AARSD1: variants seen among roughly 807,000 people sequenced by gnomAD.
AARSD1 encodes alanyl-tRNA editing protein Aarsd1.
AARSD1 carries 44 observed loss-of-function variants against 48.7 expected under a neutral mutation model. The observed-to-expected ratio is 0.90, with a 90% CI of 0.71 to 1.16. The LOEUF (loss-of-function observed/expected upper bound fraction) is 1.16, where lower values mean the gene tolerates loss of function less well. AARSD1 is among the 50% of genes most tolerant of loss of function. The probability of loss-of-function intolerance (pLI) is 0.00; values close to 1 mark genes in which losing one functional copy is unlikely to be tolerated. For missense variants in AARSD1, 511 were observed against 523.1 expected, an observed-to-expected ratio of 0.98 and a Z score of 0.23; for synonymous variants, 189 against 194.9, an observed-to-expected ratio of 0.97 and a Z score of 0.25.
chr17:42,951,315 G>A (rs2151939159), intron 11 of AARSD1, among the ~76,000 whole-genome samples: 1 of 152,270 alleles, frequency 6.6e-6, no homozygotes, highest in South Asian at 2.1e-4. Context: ...ACTTTGGGAG[G>A]GCAAGGCAGG....
At chr17:42,952,132 C>A in intron 10 of AARSD1, 1 of 518,734 alleles carries the variant, frequency 1.9e-6, no homozygotes, top group Non-Finnish European at 3.5e-6. Flanking sequence ...ACTGCTGATC[C>A]TGGCTAAGCA....
chr17:42,953,207 T>C (rs976372807), intron 10 of AARSD1, among the ~76,000 whole-genome samples: 3 of 152,054 alleles, frequency 2.0e-5, no homozygotes, highest in African/African-American at 7.2e-5. Context: ...CTCGAACTCC[T>C]GAGCTGAGGC....
intron 6 of AARSD1, 43 bp downstream of exon 6, chr17:42,956,161 C>T (rs1350447307): frequency 1.9e-6 from 3 of 1,613,350 alleles, no homozygotes; most frequent in African/African-American, 1.3e-5. Flanking sequence ...CCCCTCTCCC[C>T]CAATCCCTCT....
chr17:42,950,825 A>G (rs1328487653), intron 11 of AARSD1, 97 bp from the exon 12 acceptor site: 2 of 1,496,556 alleles, frequency 1.3e-6, no homozygotes, highest in Middle Eastern at 2.0e-4. Context: ...TGGGAGAGGG[A>G]TAAGAAGAGT....
intron 4 of AARSD1, among the ~76,000 whole-genome samples, chr17:42,956,896 T>C (rs1022040759): frequency 5.4e-5 from 8 of 148,246 alleles, no homozygotes; most frequent in African/African-American, 2.0e-4. Context: ...CTCGATCTCC[T>C]GACCTCGTGA....
In AARSD1 at chr17:42,956,473, A is replaced by T; in HGVS notation, c.477T>A (p.Asn159Lys). ...CAGGCAGCCGATCTCTGATTTTTTCATTGACGCTCTGCTCAATGGCAGCTA... is the reference window on the plus strand; with the variant it reads ...CAGGCAGCCGATCTCTGATTTTTTCTTTGACGCTCTGCTCAATGGCAGCTA... ...EQVAAIEQSV[N>K]EKIRDRLPVN... is the part of the protein sequence containing the mutation. The change falls in exon 5 of 12, where the codon AAT becomes AAA. Residue 159 changes from asparagine to lysine, a missense_variant. Coordinates refer to ENST00000427569, the MANE Select transcript of AARSD1 (RefSeq NM_001261434.2). The T allele has an allele frequency of 6.2e-7, 1 of 1,613,858 alleles. No homozygotes were observed. Among genetic ancestry groups the T allele is most frequent in the Non-Finnish European group, 8.5e-7 (1 of 1,179,980 alleles).
intron 3 of AARSD1, chr17:42,957,475 CCTT>C (rs1459836770): frequency 4.6e-5 from 7 of 150,552 alleles, no homozygotes; most frequent in Admixed American, 9.4e-5. Flanking sequence ...AACTTAACTT[CCTT>C]TTTTTTTTTT....
At chr17:42,959,405 A>C (rs1458433502) in intron 3 of AARSD1, among the ~76,000 whole-genome samples, 1 of 151,438 alleles carries the variant, frequency 6.6e-6, no homozygotes, top group Non-Finnish European at 1.5e-5. Flanking sequence ...TAGTAGAGAC[A>C]GGGTTTCACA....
chr17:42,961,733 C>A (rs1008427481), intron 2 of AARSD1, among the ~76,000 whole-genome samples: 1 of 152,064 alleles, frequency 6.6e-6, no homozygotes, highest in African/African-American at 2.4e-5. Context: ...GAATTAGATT[C>A]AAAAATGTTC....
Position 42,961,179 on chromosome 17 carries a change from TC to T in AARSD1, c.331+12del, listed in dbSNP as rs1414560427. On this transcript the variant is annotated intron_variant, in intron 3 of 11. Coordinates refer to ENST00000427569, the MANE Select transcript of AARSD1 (RefSeq NM_001261434.2). ...AACTGCTCCGGTGTTATGTCCCCCA[TC>T]CCAGCCTTTACCTGAATGCTGCTGC... 6.2e-7 allele frequency: 1 copy of T among 1,605,180 alleles called. No homozygotes were observed. The highest frequency in any genetic ancestry group is 1.1e-5 in the South Asian group (1 of 90,554).
chr17:42,961,269 G>A lies in AARSD1; in HGVS notation c.254C>T (p.Thr85Ile), dbSNP rs766688361. 2 of 1,614,158 alleles carry A rather than the reference G, an allele frequency of 1.2e-6. No homozygotes were observed. Among genetic ancestry groups the A allele is most frequent in the South Asian group, 1.1e-5 (1 of 91,082 alleles). Residue 85 changes from threonine (T) to isoleucine (I), a missense_variant, in exon 3 of 12, where the codon ACA becomes ATA. Thr to Ile is a moderately conservative substitution (Grantham distance 89). Transcript: ENST00000427569. ...RGEQADHFTQTPLDPGSQVLV... is the reference protein window; with the variant it reads ...RGEQADHFTQIPLDPGSQVLV... ...AACCTGGCTTCCTGGATCCAGGGGT[G>A]TCTGGGTGAAATGATCAGCCTGTTC...
chr17:42,955,533 G>C, intron 7 of AARSD1: 1 of 443,410 alleles, frequency 2.3e-6, no homozygotes, highest in South Asian at 2.4e-5. Flanking sequence ...CCACCTCCCG[G>C]GTTCACGCCA....
intron 3 of AARSD1, among the ~76,000 whole-genome samples, chr17:42,958,727 T>G (rs1232577446): frequency 6.7e-6 from 1 of 149,954 alleles, no homozygotes; most frequent in East Asian, 2.1e-4. Flanking sequence ...CACGCCACCA[T>G]GCCTAATTTT....
intron 10 of AARSD1, among the ~76,000 whole-genome samples, chr17:42,953,239 CA>C (rs1425377963): frequency 2.0e-5 from 3 of 152,140 alleles, no homozygotes; most frequent in Admixed American, 6.5e-5. Context: ...CTCAGCCTCC[CA>C]AAGTGCTGGA....
Position 42,950,583 on chromosome 17 carries a change from C to T in AARSD1, c.*10G>A. On this transcript the variant is annotated 3_prime_UTR_variant, in exon 12 of 12. Coordinates refer to ENST00000427569, the MANE Select transcript of AARSD1 (RefSeq NM_001261434.2). ...TTCCTGTGGAAACAGGAGGTGAGTG[C>T]CCTAAGCCCTCACTCCTTAGCACTC... is the stretch of plus-strand genomic sequence containing the variant. The T allele has an allele frequency of 2.5e-6, 4 of 1,602,570 alleles. No individual in the cohort carries two copies. Among genetic ancestry groups the T allele is most frequent in the Non-Finnish European group, 3.4e-6 (4 of 1,173,646 alleles).
intron 2 of AARSD1, among the ~76,000 whole-genome samples, chr17:42,961,758 T>C (rs1019278776): frequency 6.6e-6 from 1 of 152,168 alleles, no homozygotes; most frequent in Non-Finnish European, 1.5e-5. Flanking sequence ...AGGCTGGGCA[T>C]GGTAGCTTAT....
At chr17:42,957,375 T>C (rs1478827513) in intron 3 of AARSD1, 180 bp from the exon 4 acceptor site, 2 of 654,464 alleles carry the variant, frequency 3.1e-6, no homozygotes, top group Non-Finnish European at 4.8e-6. Flanking sequence ...GCAAGAGGCC[T>C]TATGATACCA....
intron 3 of AARSD1, among the ~76,000 whole-genome samples, chr17:42,958,208 A>T (rs1343047362): frequency 2.0e-5 from 3 of 152,188 alleles, no homozygotes; most frequent in African/African-American, 2.4e-5. Context: ...TTCATTTTTT[A>T]AAATTTATTT....
chr17:42,956,000 C>T, intron 6 of AARSD1, 28 bp from the exon 7 acceptor site: 2 of 1,613,962 alleles, frequency 1.2e-6, no homozygotes, highest in Non-Finnish European at 1.7e-6. Context: ...GTAACACACA[C>T]ACACACGTGT....
Sources: allele counts gnomAD v4.1 joint callset (sites outside exome capture counted in the v4.1 genomes callset), GRCh38; gene constraint gnomAD v4.1.1; transcripts MANE v1.5; gene names NCBI Gene and HGNC (gene_info 2026-07-23, HGNC 2026-07-21).